Variants in SCHIP1 observed in about 807,000 individuals in gnomAD.
The protein encoded by SCHIP1 is schwannomin-interacting protein 1.
In SCHIP1, 8 loss-of-function variants were observed where a neutral mutation model predicts 29.7. That is an observed-to-expected ratio of 0.27 (90% confidence interval 0.16 to 0.49). SCHIP1 has a LOEUF of 0.49. Ranked by LOEUF, SCHIP1 falls within the 20% of genes least tolerant of loss-of-function variation. The pLI, the probability that SCHIP1 is intolerant of heterozygous loss-of-function variation, is 0.99. For missense variants in SCHIP1, 193 were observed against 294.6 expected (o/e 0.66, Z 2.52); for synonymous variants, 76 against 94.9 (o/e 0.80, Z 1.16).
At chr3:159,746,183 C>T in the SCHIP1 span, among the ~76,000 whole-genome samples, 1 of 152,178 alleles carries the variant, frequency 6.6e-6, no homozygotes, top group East Asian at 1.9e-4. Context: ...AAAATTGGCC[C>T]TATGAATTCT....
chr3:159,566,833 T>G, the SCHIP1 span, among the ~76,000 whole-genome samples: 2 of 152,268 alleles, frequency 1.3e-5, no homozygotes, highest in South Asian at 4.2e-4. Context: ...TGTGCTAGTT[T>G]CTTCAGGATG....
the SCHIP1 span, among the ~76,000 whole-genome samples, chr3:159,713,877 C>T: frequency 4.3e-4 from 66 of 152,292 alleles, 1 homozygote; most frequent in South Asian, 0.013. Flanking sequence ...TGTTCTGTAT[C>T]GAGGTGTTTT....
At chr3:159,748,495 A>G in the SCHIP1 span, among the ~76,000 whole-genome samples, 22 of 152,246 alleles carry the variant, frequency 1.4e-4, no homozygotes, top group African/African-American at 5.3e-4. Flanking sequence ...GACTTGGCCT[A>G]ACTGCCTAGG....
the SCHIP1 span, among the ~76,000 whole-genome samples, chr3:159,521,540 G>A: frequency 6.6e-6 from 1 of 152,212 alleles, no homozygotes; most frequent in Non-Finnish European, 1.5e-5. Context: ...ACCTCCAGGT[G>A]ATCATATGTT....
chr3:159,410,178 A>G, the SCHIP1 span, among the ~76,000 whole-genome samples: 1 of 152,140 alleles, frequency 6.6e-6, no homozygotes, highest in Non-Finnish European at 1.5e-5. Context: ...TAACTACTAT[A>G]AGAAAACATT....
At chr3:159,292,378 T>G in the SCHIP1 span, among the ~76,000 whole-genome samples, 1 of 152,202 alleles carries the variant, frequency 6.6e-6, no homozygotes, top group South Asian at 2.1e-4. Flanking sequence ...AATTTATAGC[T>G]TGGTGAAGTA....
At chr3:159,825,807 A>G in the SCHIP1 span, among the ~76,000 whole-genome samples, 2 of 152,204 alleles carry the variant, frequency 1.3e-5, no homozygotes, top group African/African-American at 4.8e-5. Context: ...AATTTAAAGC[A>G]GGACCTTATT....
intron 2 of SCHIP1, among the ~76,000 whole-genome samples, chr3:159,874,742 A>T (rs1377894282): frequency 1.3e-5 from 2 of 152,204 alleles, no homozygotes; most frequent in African/African-American, 4.8e-5. Flanking sequence ...CACAACGGTT[A>T]TATCTGCCCA....
chr3:159,459,561 CA>C, the SCHIP1 span, among the ~76,000 whole-genome samples: 2 of 150,712 alleles, frequency 1.3e-5, no homozygotes, highest in African/African-American at 4.9e-5. Flanking sequence ...TGCTATATAA[CA>C]AAAAAAAATG....
intron 2 of SCHIP1, among the ~76,000 whole-genome samples, chr3:159,875,035 A>C (rs1036545508): frequency 6.6e-6 from 1 of 151,650 alleles, no homozygotes; most frequent in Non-Finnish European, 1.5e-5. Context: ...AAAAAAAACA[A>C]AAACTATCAT....
chr3:159,852,189 G>T (rs565432789), intron 1 of SCHIP1, among the ~76,000 whole-genome samples: 1 of 152,152 alleles, frequency 6.6e-6, no homozygotes, highest in Non-Finnish European at 1.5e-5. Context: ...TAGCCTTTTT[G>T]CTTTTAGAAC....
In SCHIP1 at chr3:159,873,102, A is replaced by G. The variant is rs149308453; in HGVS notation, c.149+6821A>G. On this transcript the variant is annotated intron_variant, in intron 2 of 6. Transcript: ENST00000445224. ...AAAATATTACACAATTTCAACGTGA[A>G]ATAGATTTTAAGTGGATCTTTTGAG... Among the ~76,000 whole-genome samples, 90 of 152,358 alleles carry G rather than the reference A, an allele frequency of 5.9e-4. 1 individual carries two copies. The East Asian group carries it at 0.01, about 18-fold the overall frequency.
At chr3:159,285,886 G>A in the SCHIP1 span, among the ~76,000 whole-genome samples, 1 of 151,932 alleles carries the variant, frequency 6.6e-6, no homozygotes, top group South Asian at 2.1e-4. Flanking sequence ...ATTCTCTTTA[G>A]TTTCTCCCCT....
chr3:159,503,609 T>A, the SCHIP1 span, among the ~76,000 whole-genome samples: 17 of 152,198 alleles, frequency 1.1e-4, no homozygotes, highest in African/African-American at 4.1e-4. Flanking sequence ...TTTCATATGC[T>A]ATTCAGAGTG....
chr3:159,674,905 G>A, the SCHIP1 span, among the ~76,000 whole-genome samples: 9 of 152,292 alleles, frequency 5.9e-5, no homozygotes, highest in South Asian at 1.9e-3. Flanking sequence ...AATGGCAGCA[G>A]TATCTACGGA....
chr3:159,726,399 C>A, the SCHIP1 span, among the ~76,000 whole-genome samples: 1 of 152,284 alleles, frequency 6.6e-6, no homozygotes, highest in East Asian at 1.9e-4. Flanking sequence ...ATGAAGGTAA[C>A]AAGCAGAGCC....
the SCHIP1 span, among the ~76,000 whole-genome samples, chr3:159,292,025 G>A: frequency 6.6e-6 from 1 of 152,202 alleles, no homozygotes; most frequent in South Asian, 2.1e-4. Flanking sequence ...TTTAGTATTA[G>A]ATAGTATCAA....
chr3:159,549,419 T>C, the SCHIP1 span, among the ~76,000 whole-genome samples: 2 of 152,152 alleles, frequency 1.3e-5, no homozygotes, highest in Non-Finnish European at 2.9e-5. Context: ...TAATTGGAGA[T>C]GGGACCTCTA....
At chr3:159,385,003 T>G in the SCHIP1 span, among the ~76,000 whole-genome samples, 1 of 151,810 alleles carries the variant, frequency 6.6e-6, no homozygotes, top group South Asian at 2.1e-4. Context: ...CTTCTCTCTT[T>G]TCTTCTTTAT....
Sources: gnomAD v4.1 joint callset for allele counts (sites outside exome capture counted in the v4.1 genomes callset) on GRCh38, gnomAD v4.1.1 for gene constraint, MANE v1.5 for transcripts, NCBI Gene and HGNC (gene_info 2026-07-23, HGNC 2026-07-21) for gene names.